The following FLG variants were observed in gnomAD, a reference collection of about 807,000 sequenced individuals.
The protein encoded by FLG is epidermal filaggrin.
In FLG, 6 loss-of-function variants were observed where a neutral mutation model predicts 3.8. That is an observed-to-expected ratio of 1.60 (90% confidence interval 0.87 to 3.15). The LOEUF (loss-of-function observed/expected upper bound fraction) is 3.15. FLG is among the 30% of genes most tolerant of loss of function. The pLI is 0.00. For synonymous variants in FLG, 2,551 were observed against 1,931.6 expected (o/e 1.32, Z -8.41); for missense variants, 7,595 against 5,050.9 (o/e 1.50, Z -15.27).
Position 152,314,047 on chromosome 1 carries a change from C to T in FLG, c.839G>A (p.Ser280Asn), listed in dbSNP as rs370142037. 1 of 1,614,190 alleles carries T rather than the reference C, an allele frequency of 6.2e-7. No homozygotes were observed. The highest frequency in any genetic ancestry group is 1.3e-5 in the African/African-American group (1 of 75,044). ...QVNRSRHENT[S>N]QVPLQESRTR... The stretch of plus-strand genomic sequence containing the variant: ...CCTGGACTCCTGCAATGGTACCTGG[C>T]TTGTATTTTCATGTCTTGACCTGTT... Residue 280 changes from serine to asparagine, a missense_variant, in exon 3 of 3, where the codon AGC becomes AAC. Coordinates refer to ENST00000368799, the MANE Select transcript of FLG (RefSeq NM_002016.2).
intron 1 of FLG, among the ~76,000 whole-genome samples, chr1:152,322,415 A>T (rs1194064456): frequency 6.6e-6 from 1 of 151,234 alleles, no homozygotes; most frequent in African/African-American, 2.4e-5. Flanking sequence ...TAAACTAAAC[A>T]TGCTTCTGGT....
Position 152,313,829 on chromosome 1 carries a change from A to G in FLG, c.1057T>C (p.Ser353Pro), listed in dbSNP as rs544166502. The change falls in exon 3 of 3, where the codon TCC becomes CCC. Residue 353 changes from serine (S) to proline (P), a missense_variant. Physicochemically the swap from Ser to Pro is moderately conservative, Grantham distance 74 (BLOSUM62 -1). Coordinates refer to ENST00000368799, the MANE Select transcript of FLG (RefSeq NM_002016.2). ...RASHGHSADSSRQSGTRHAET... is the reference protein window; with the variant it reads ...RASHGHSADSPRQSGTRHAET... ...GCGTGACGAGTGCCTGATTGTCTGG[A>G]GCTGTCTGCAGAGTGCCCATGACTG... 4 of 1,613,922 alleles carry G rather than the reference A, an allele frequency of 2.5e-6. No individual in the cohort carries two copies. The African/African-American group carries it at 5.3e-5, about 22-fold the overall frequency.
Position 152,306,323 on chromosome 1 carries a change from C to G in FLG, c.8563G>C (p.Gly2855Arg), listed in dbSNP as rs373833125. 401 of 1,602,532 alleles carry G rather than the reference C, an allele frequency of 2.5e-4. No homozygotes were observed. The highest frequency in any genetic ancestry group is 2.3e-3 in the Middle Eastern group (14 of 6,042). The change falls in exon 3 of 3, where the codon GGG becomes CGG. Residue 2855 changes from glycine to arginine, a missense_variant. Coordinates refer to ENST00000368799, the MANE Select transcript of FLG (RefSeq NM_002016.2). ...EQSGDGSRHSGSRHHEASTHA... is the reference protein window; with the variant it reads ...EQSGDGSRHSRSRHHEASTHA... ...GTGGAAGCTTCATGGTGACGCGACC[C>G]TGAGTGCCTGGAGCCGTCTCCTGAT...
At chr1:152,320,262 G>A (rs944342847) in intron 1 of FLG, among the ~76,000 whole-genome samples, 5 of 151,026 alleles carry the variant, frequency 3.3e-5, no homozygotes, top group African/African-American at 4.8e-5. Context: ...TTGTAGAGAT[G>A]TAAACCAAAT....
intron 1 of FLG, 83 bp from the exon 2 acceptor site, chr1:152,315,560 AC>A (rs1022391679): frequency 4.2e-4 from 481 of 1,136,360 alleles, no homozygotes; most frequent in Non-Finnish European, 5.0e-4. Context: ...CACATTTTAA[AC>A]CTACATTTTC....
intron 1 of FLG, among the ~76,000 whole-genome samples, chr1:152,320,771 A>G (rs1652937003): frequency 6.6e-6 from 1 of 151,104 alleles, no homozygotes; most frequent in African/African-American, 2.4e-5. Flanking sequence ...GAAATTGACC[A>G]TATACTGGGC....
Position 152,309,860 on chromosome 1 carries a change from T to G in FLG, c.5026A>C (p.Ser1676Arg). The G allele has an allele frequency of 6.2e-7, 1 of 1,614,148 alleles. No individual in the cohort carries two copies. The highest frequency in any genetic ancestry group is 8.5e-7 in the Non-Finnish European group (1 of 1,180,030). Residue 1676 changes from serine to arginine, a missense_variant, in exon 3 of 3, where the codon AGT becomes CGT. Coordinates refer to ENST00000368799, the MANE Select transcript of FLG (RefSeq NM_002016.2). ...AASSQEQARS[S>R]PGERHGSRHQ... is the part of the protein sequence containing the mutation. ...CGGGATCCATGTCTTTCTCCTGGAC[T>G]TGACCTTGCCTGTTCCTGGGATGAT...
In FLG at chr1:152,311,041, T is replaced by C. The variant is rs1181061707; in HGVS notation, c.3845A>G (p.Asp1282Gly). 6.2e-7 allele frequency: 1 copy of C among 1,613,310 alleles called. No homozygotes were observed. Among genetic ancestry groups the C allele is most frequent in the Admixed American group, 1.7e-5 (1 of 59,910 alleles). Residue 1282 changes from aspartate to glycine, a missense_variant, in exon 3 of 3, where the codon GAC becomes GGC. Transcript: ENST00000368799. ...AGCAGACCCAGACAACCTCTCGGAG[T>C]CGTCTGAGTGTCTCTCACTGTCACT... The part of the protein sequence containing the change: ...QDSDSERHSD[D>G]SERLSGSASR...
rs749590528 is a variant in FLG, at chr1:152,307,922, C to T, written c.6964G>A (p.Ala2322Thr). 3.5e-5 allele frequency: 57 copies of T among 1,613,416 alleles called. No homozygotes were observed. The highest frequency in any genetic ancestry group is 4.7e-5 in the Non-Finnish European group (55 of 1,179,804). The change falls in exon 3 of 3, where the codon GCA becomes ACA. Residue 2322 changes from alanine to threonine, a missense_variant. Physicochemically the swap from Ala to Thr is moderately conservative, Grantham distance 58 (BLOSUM62 0). Coordinates refer to ENST00000368799, the MANE Select transcript of FLG (RefSeq NM_002016.2). ...TGTCTCTCTCCTGCACTTGATCTTG[C>T]CTGTTCATGGGATGATGCAGCCTGT... ...GGQAASSHEQ[A>T]RSSAGERHGS...
rs370643935 is a variant in FLG at position 152,302,918 on chromosome 1, C to T, written c.11968G>A (p.Gly3990Arg). ...GSADYDYGES[G>R]FRHSQHGSVS... is the part of the protein sequence containing the mutation. ...CTTCCGTGCTGAGAGTGTCTAAACC[C>T]GGATTCACCATAATCATAATCTGCA... Residue 3990 changes from glycine to arginine, a missense_variant, in exon 3 of 3, where the codon GGG (glycine) becomes AGG (arginine). Physicochemically the swap from Gly to Arg is moderately radical, Grantham distance 125. Transcript: ENST00000368799. 30 of 1,614,034 alleles carry T rather than the reference C, an allele frequency of 1.9e-5. No homozygotes were observed. The highest frequency in any genetic ancestry group is 4.0e-5 in the African/African-American group (3 of 74,906).
rs749932355 is a variant in FLG, at chr1:152,307,254, A to G, written c.7632T>C (p.Ser2544=). 1.2e-6 allele frequency: 2 copies of G among 1,612,940 alleles called. No homozygotes were observed. Among genetic ancestry groups the G allele is most frequent in the Non-Finnish European group, 1.7e-6 (2 of 1,179,966 alleles). Residue 2544 remains serine, a synonymous_variant, in exon 3 of 3, where the codon TCT becomes TCC. Transcript: ENST00000368799. The stretch of plus-strand genomic sequence containing the variant: ...GTCCCTGGCCCACCTGCGAGTGTCC[A>G]GAGCTGTCGGCCCGAGAGGAAGCTT... ...HHEASSRADS[S]GHSQVGQGQS... is the part of the protein sequence containing the mutation.
In FLG at chr1:152,309,673, C is replaced by A. The variant is rs143513243; in HGVS notation, c.5213G>T (p.Gly1738Val). 19 of 1,613,892 alleles carry A rather than the reference C, an allele frequency of 1.2e-5. No individual in the cohort carries two copies. The highest frequency in any genetic ancestry group is 1.4e-5 in the Non-Finnish European group (17 of 1,180,012). Residue 1738 changes from glycine to valine, a missense_variant, in exon 3 of 3, where the codon GGA becomes GTA. Physicochemically the swap from Gly to Val is moderately radical, Grantham distance 109. Transcript: ENST00000368799. ...ESDTQSVSAH[G>V]QAGPHQQSHQ... ...GCTCTGCTGATGGGGCCCAGCCTGTCCGTGGGCTGACACTGACTGTGTGTC... is the reference window on the plus strand; with the variant it reads ...GCTCTGCTGATGGGGCCCAGCCTGTACGTGGGCTGACACTGACTGTGTGTC...
At position 152,307,821 on chromosome 1, in the gene FLG, G is replaced by C. The variant is rs1375505473; in HGVS notation, c.7065C>G (p.Val2355=). The change falls in exon 3 of 3, where the codon GTC becomes GTG. Residue 2355 remains valine, a synonymous_variant. Coordinates refer to ENST00000368799, the MANE Select transcript of FLG (RefSeq NM_002016.2). The part of the protein sequence containing the change: ...GIGHGQASSA[V]RDSGHRGSSG... The stretch of plus-strand genomic sequence containing the variant: ...TGGACCCTCGGTGTCCACTGTCTCT[G>C]ACTGCAGATGAAGCTTGTCCGTGCC... 6.2e-7 allele frequency: 1 copy of C among 1,613,312 alleles called. No individual in the cohort carries two copies. The highest frequency in any genetic ancestry group is 8.5e-7 in the Non-Finnish European group (1 of 1,179,890).
In FLG at chr1:152,305,761, T is replaced by G. The variant is rs531404583; in HGVS notation, c.9125A>C (p.Gln3042Pro). ...SAHGQAGSHQQSHQESARGRS... is the reference protein window; with the variant it reads ...SAHGQAGSHQPSHQESARGRS... ...GCCACGTGCGGACTCTTGGTGGCTCTGCTGATGGGACCCAGCCTGTCCGTG... is the reference window on the plus strand; with the variant it reads ...GCCACGTGCGGACTCTTGGTGGCTCGGCTGATGGGACCCAGCCTGTCCGTG... The change falls in exon 3 of 3, where the codon CAG (glutamine) becomes CCG (proline). Residue 3042 changes from glutamine to proline, a missense_variant. Transcript: ENST00000368799. The G allele has an allele frequency of 8.8e-7, 1 of 1,137,942 alleles. No homozygotes were observed. Among genetic ancestry groups the G allele is most frequent in the Non-Finnish European group, 1.2e-6 (1 of 832,842 alleles). 70.5% of individuals were successfully genotyped at this position (1,137,942 alleles called of 1,614,324 possible).
Position 152,310,934 on chromosome 1 carries a change from T to A in FLG, c.3952A>T (p.Ser1318Cys). ...GAGCTGTCTGCAGAGTGCCCGTGAC[T>A]GGCTCTGTCTTCTTGATGGAACCCA... ...HPGFHQEDRASHGHSADSSRQ... is the reference protein window; with the variant it reads ...HPGFHQEDRACHGHSADSSRQ... The change falls in exon 3 of 3, where the codon AGT (serine) becomes TGT (cysteine). Residue 1318 changes from serine to cysteine, a missense_variant. Ser to Cys is a moderately radical substitution (Grantham distance 112, BLOSUM62 -1). Transcript: ENST00000368799. 1.9e-6 allele frequency: 3 copies of A among 1,613,988 alleles called. No homozygotes were observed. Among genetic ancestry groups the A allele is most frequent in the South Asian group, 1.1e-5 (1 of 91,044 alleles).
Position 152,311,538 on chromosome 1 carries a change from A to G in FLG, c.3348T>C (p.Ser1116=), listed in dbSNP as rs1638252395. 1 of 1,613,646 alleles carries G rather than the reference A, an allele frequency of 6.2e-7. No individual in the cohort carries two copies. Among genetic ancestry groups the G allele is most frequent in the African/African-American group, 1.3e-5 (1 of 74,806 alleles). The part of the protein sequence containing the change: ...WSGGRSGRSG[S]FIYQVSTHEQ... ...CATGAGTGCTCACCTGGTAGATGAAAGACCCTGAACGTCCAGACCTTCCCC... is the reference window on the plus strand; with the variant it reads ...CATGAGTGCTCACCTGGTAGATGAAGGACCCTGAACGTCCAGACCTTCCCC... The change falls in exon 3 of 3, where the codon TCT becomes TCC. Residue 1116 remains serine, a synonymous_variant. Transcript: ENST00000368799.
Position 152,309,227 on chromosome 1 carries a change from C to T in FLG, c.5659G>A (p.Glu1887Lys). 6.2e-7 allele frequency: 1 copy of T among 1,613,586 alleles called. No homozygotes were observed. Residue 1887 changes from glutamate to lysine, a missense_variant, in exon 3 of 3, where the codon GAA (glutamate) becomes AAA (lysine). By Grantham distance (56) the Glu-to-Lys change is moderately conservative (BLOSUM62 1). Transcript: ENST00000368799. ...GAGCTGTCGGCCCGAGAGGAAGCTT[C>T]ATGGTGACGCGACCCTGAGTGCCTG... ...GSRHSGSRHH[E>K]ASSRADSSRH...
At chr1:152,315,784 C>G (rs895578066) in intron 1 of FLG, among the ~76,000 whole-genome samples, 2 of 152,020 alleles carry the variant, frequency 1.3e-5, no homozygotes, top group African/African-American at 4.8e-5. Flanking sequence ...TTGCTAGCAA[C>G]AAGAATTTAG....
In FLG at chr1:152,314,255, C is replaced by T. The variant is rs1652682399; in HGVS notation, c.631G>A (p.Glu211Lys). Residue 211 changes from glutamate (E) to lysine (K), a missense_variant, in exon 3 of 3, where the codon GAA becomes AAA. By Grantham distance (56) the Glu-to-Lys change is moderately conservative (BLOSUM62 1). Coordinates refer to ENST00000368799, the MANE Select transcript of FLG (RefSeq NM_002016.2). ...SERLEEKEDNEEGVYDYENTG... is the reference protein window; with the variant it reads ...SERLEEKEDNKEGVYDYENTG... Reference sequence around the variant, plus strand: ...TTTTCATAATCATATACTCCTTCTTCATTGTCTTCTTTCTCTTCAAGTCTT... The same window carrying T: ...TTTTCATAATCATATACTCCTTCTTTATTGTCTTCTTTCTCTTCAAGTCTT... The T allele has an allele frequency of 3.1e-6, 5 of 1,613,508 alleles. No homozygotes were observed. Among genetic ancestry groups the T allele is most frequent in the African/African-American group, 1.3e-5 (1 of 74,954 alleles).
Sources: allele counts gnomAD v4.1 joint callset (sites outside exome capture counted in the v4.1 genomes callset), GRCh38; gene constraint gnomAD v4.1.1; transcripts MANE v1.5; gene names NCBI Gene and HGNC (gene_info 2026-07-23, HGNC 2026-07-21).